Variants in LEKR1 observed in about 807,000 individuals in gnomAD.
LEKR1 encodes leucine, glutamate and lysine rich 1, also known as protein LEKR1.
In LEKR1, 59 loss-of-function variants were observed where a neutral mutation model predicts 72.4. That is an observed-to-expected ratio of 0.82 (90% confidence interval 0.66 to 1.01). The LOEUF (loss-of-function observed/expected upper bound fraction) is 1.01, where lower values mean the gene tolerates loss of function less well. Among genes scored for constraint, LEKR1 ranks in the 50% least tolerant of loss-of-function variants. The probability of loss-of-function intolerance (pLI) is 0.00; values close to 1 mark genes in which losing one functional copy is unlikely to be tolerated. For synonymous variants in LEKR1, 257 were observed against 263.2 expected (o/e 0.98, Z 0.23); for missense variants, 728 against 759.2 (o/e 0.96, Z 0.48).
At chr3:156,977,440 C>A (rs888760571) in intron 6 of LEKR1, 3 of 502,720 alleles carry the variant, frequency 6.0e-6, no homozygotes, top group Non-Finnish European at 8.0e-6. Context: ...TGTCACCCCC[C>A]CTTAATGAAC....
intron 4 of LEKR1, among the ~76,000 whole-genome samples, chr3:156,926,243 A>G (rs1724706112): frequency 1.3e-5 from 2 of 152,142 alleles, no homozygotes; most frequent in South Asian, 4.1e-4. Flanking sequence ...AAACTGGCCC[A>G]TGAGTTTCAT....
chr3:156,856,128 G>T (rs1255762823), intron 3 of LEKR1, among the ~76,000 whole-genome samples: 2 of 152,120 alleles, frequency 1.3e-5, no homozygotes, highest in Admixed American at 6.6e-5. Context: ...AATCTATTTA[G>T]TATTAATTTT....
At chr3:156,987,284 G>C (rs1406560967) in intron 7 of LEKR1, among the ~76,000 whole-genome samples, 2 of 152,136 alleles carry the variant, frequency 1.3e-5, no homozygotes, top group Non-Finnish European at 2.9e-5. Flanking sequence ...ACCATAAAAA[G>C]ACTGGCTTAA....
At chr3:156,859,528 C>A (rs920257222) in intron 3 of LEKR1, among the ~76,000 whole-genome samples, 3 of 152,162 alleles carry the variant, frequency 2.0e-5, no homozygotes, top group Admixed American at 2.0e-4. Context: ...CACACTCACA[C>A]AGCCTCCTCT....
At chr3:157,038,811 C>T (rs112565473) in intron 12 of LEKR1, among the ~76,000 whole-genome samples, 1 of 152,168 alleles carries the variant, frequency 6.6e-6, no homozygotes, top group African/African-American at 2.4e-5. Flanking sequence ...TGTAGGGCAG[C>T]CTCCCCATGC....
chr3:156,829,452 T>A (rs1712074557), intron 2 of LEKR1, 75 bp downstream of exon 2: 14 of 1,035,556 alleles, frequency 1.4e-5, no homozygotes, highest in Non-Finnish European at 2.0e-5. Context: ...CCTAGAGGAG[T>A]GAATTCATTA....
chr3:156,838,952 AG>A (rs1408421970), intron 2 of LEKR1, among the ~76,000 whole-genome samples: 4 of 152,192 alleles, frequency 2.6e-5, no homozygotes, highest in Non-Finnish European at 5.9e-5. Context: ...CATGCCACAG[AG>A]GAGATGGAGT....
rs59061418 is a variant in LEKR1, at chr3:156,835,863, C to CTTTTTTTTTTTTT, written c.48+6503_48+6515dup. ...TCCCCCCAAGTCTTGCTCTGTCTCACTTTTTTTTTTTTTTTTTTTTTTTTT... is the reference window on the plus strand; with the variant it reads ...TCCCCCCAAGTCTTGCTCTGTCTCACTTTTTTTTTTTTTTTTTTTTTTTTTTTTTTTTTTTTTT... On this transcript the variant is annotated intron_variant, in intron 2 of 12. Transcript: ENST00000356539. 3.6e-5 allele frequency among the ~76,000 whole-genome samples: 2 copies of CTTTTTTTTTTTTT among 55,532 alleles called. 1 individual carries two copies. The highest frequency in any genetic ancestry group is 6.5e-5 in the Non-Finnish European group (2 of 30,948). 36.4% of individuals were successfully genotyped at this position (55,532 alleles called of 152,430 possible). A position where few individuals can be genotyped will look rare whatever the true frequency, so the allele number is the denominator to read the frequency against.
intron 3 of LEKR1, among the ~76,000 whole-genome samples, chr3:156,881,556 A>G (rs1421697486): frequency 2.6e-4 from 39 of 151,214 alleles, no homozygotes; most frequent in Non-Finnish European, 4.6e-4. Flanking sequence ...AATCAATATC[A>G]TGAAAATGGC....
In LEKR1 at chr3:156,920,655, A is replaced by T. The variant is rs1381713597; in HGVS notation, c.344A>T (p.Asp115Val). 2 of 1,445,400 alleles carry T rather than the reference A, an allele frequency of 1.4e-6. No individual in the cohort carries two copies. 89.5% of individuals were successfully genotyped at this position (1,445,400 alleles called of 1,614,324 possible). The change falls in exon 4 of 13, where the codon GAT becomes GTT. Residue 115 changes from aspartate to valine, a missense_variant. By Grantham distance (152) the Asp-to-Val change is radical. Coordinates refer to ENST00000356539, the MANE Select transcript of LEKR1 (RefSeq NM_001004316.3). ...KVKKQLSHLQ[D>V]ELKIKYRQSY... ...AAGAAACAACTGAGTCATTTGCAAGATGAGCTAAAAATTAAATATAGACAA... is the reference window on the plus strand; with the variant it reads ...AAGAAACAACTGAGTCATTTGCAAGTTGAGCTAAAAATTAAATATAGACAA...
At chr3:156,971,100 C>T (rs1311719790) in intron 6 of LEKR1, among the ~76,000 whole-genome samples, 1 of 152,126 alleles carries the variant, frequency 6.6e-6, no homozygotes, top group East Asian at 1.9e-4. Flanking sequence ...TACTACAAGG[C>T]TACAGTAAAC....
intron 12 of LEKR1, among the ~76,000 whole-genome samples, chr3:157,029,414 T>C (rs1734440240): frequency 6.6e-6 from 1 of 152,094 alleles, no homozygotes; most frequent in African/African-American, 2.4e-5. Flanking sequence ...TGAAGAAGGT[T>C]GAATAATTTC....
At chr3:157,031,113 G>A (rs12636741) in intron 12 of LEKR1, among the ~76,000 whole-genome samples, 78,085 of 151,992 alleles carry the variant, frequency 0.51, 22,878 homozygotes, top group South Asian at 0.79. Context: ...CGTTTTAAAG[G>A]CTTCCAATCA....
chr3:156,943,622 G>A (rs1016086733), intron 6 of LEKR1, among the ~76,000 whole-genome samples: 3 of 151,860 alleles, frequency 2.0e-5, no homozygotes, highest in African/African-American at 7.2e-5. Context: ...CCGTGGCCCA[G>A]TGGGAAGGGT....
chr3:156,999,891 G>T (rs919911296), intron 9 of LEKR1, among the ~76,000 whole-genome samples: 3 of 152,176 alleles, frequency 2.0e-5, no homozygotes, highest in African/African-American at 7.2e-5. Flanking sequence ...CTTGCTCAGG[G>T]TGACATCATT....
chr3:156,925,847 T>C (rs1455185031), intron 4 of LEKR1, among the ~76,000 whole-genome samples: 1 of 152,070 alleles, frequency 6.6e-6, no homozygotes, highest in Non-Finnish European at 1.5e-5. Flanking sequence ...GAAAGTTGGC[T>C]TAGGAGTATA....
At chr3:157,024,735 C>T in intron 10 of LEKR1, 25 bp from the exon 11 acceptor site, 4 of 1,568,978 alleles carry the variant, frequency 2.5e-6, no homozygotes, top group South Asian at 1.2e-5. Context: ...AATAGTTTTA[C>T]ATGTGCTTTA....
At chr3:156,845,944 T>C (rs1714531966) in intron 2 of LEKR1, among the ~76,000 whole-genome samples, 1 of 152,180 alleles carries the variant, frequency 6.6e-6, no homozygotes, top group South Asian at 2.1e-4. Flanking sequence ...CTTCCAAACA[T>C]AAACATAGTA....
At chr3:157,010,158 A>G (rs1560144774) in intron 9 of LEKR1, among the ~76,000 whole-genome samples, 2 of 151,966 alleles carry the variant, frequency 1.3e-5, no homozygotes, top group Non-Finnish European at 2.9e-5. Flanking sequence ...GATCTCAAAG[A>G]AACAAATTTT....
Sources: allele counts gnomAD v4.1 joint callset (sites outside exome capture counted in the v4.1 genomes callset), GRCh38; gene constraint gnomAD v4.1.1; transcripts MANE v1.5; gene names NCBI Gene and HGNC (gene_info 2026-07-23, HGNC 2026-07-21).